The following AMOTL1 variants were observed in gnomAD, a reference collection of about 807,000 sequenced individuals.
AMOTL1 encodes the protein angiomotin like 1, also known as angiomotin-like protein 1.
Under a neutral mutation model 102.9 loss-of-function variants are expected in AMOTL1, and 45 were observed. That is an observed-to-expected ratio of 0.44 (90% CI 0.34 to 0.56). AMOTL1 has a LOEUF of 0.56. AMOTL1 is among the 20% of genes least tolerant of loss of function. The pLI, the probability that AMOTL1 is intolerant of heterozygous loss-of-function variation, is 0.01. For synonymous variants in AMOTL1, 481 were observed against 484.7 expected (o/e 0.99, Z 0.10); for missense variants, 1,114 against 1,225.6 (o/e 0.91, Z 1.36).
intron 3 of AMOTL1, chr11:94,741,001 A>AT (rs1182507809): frequency 1.2e-5 from 15 of 1,288,652 alleles, no homozygotes; most frequent in African/African-American, 1.5e-5. Flanking sequence ...AAGTCTGCTC[A>AT]TTTTGTCTTT....
At chr11:94,741,217 TGTGC>T (rs1304746552) in intron 3 of AMOTL1, among the ~76,000 whole-genome samples, 3 of 151,776 alleles carry the variant, frequency 2.0e-5, no homozygotes, top group East Asian at 1.9e-4. Flanking sequence ...TGTGTGTGTG[TGTGC>T]GTGCGTGTGC....
chr11:94,869,508 ACTGTGGAACTGT>A, intron 12 of AMOTL1, 35 bp downstream of exon 12: 1 of 1,545,868 alleles, frequency 6.5e-7, no homozygotes, highest in Non-Finnish European at 8.7e-7. Context: ...GCCCCTGAAA[ACTGTGGAACTGT>A]CTGGCCTAAG....
chr11:94,870,097 G>C (rs942394822), intron 12 of AMOTL1, among the ~76,000 whole-genome samples: 1 of 152,144 alleles, frequency 6.6e-6, no homozygotes, highest in African/African-American at 2.4e-5. Context: ...CATGGCCATG[G>C]TCAGTGGGAT....
intron 1 of AMOTL1, among the ~76,000 whole-genome samples, chr11:94,707,291 G>A (rs556414902): frequency 7.2e-6 from 1 of 139,058 alleles, no homozygotes; most frequent in African/African-American, 2.9e-5. Context: ...TGTGAAGGCA[G>A]ACCCTGTGCT....
At chr11:94,740,418 C>G (rs1201532476) in intron 2 of AMOTL1, 1 of 152,118 alleles carries the variant, frequency 6.6e-6, no homozygotes, top group Admixed American at 6.5e-5. Context: ...TGGGAGGCCG[C>G]GCGCGCCTCT....
At chr11:94,779,803 A>G (rs990809316) in intron 1 of AMOTL1, among the ~76,000 whole-genome samples, 2 of 152,176 alleles carry the variant, frequency 1.3e-5, no homozygotes, top group African/African-American at 4.8e-5. Flanking sequence ...TATCTGTTGC[A>G]TAGGATACTA....
chr11:94,724,708 T>C (rs949225245), intron 1 of AMOTL1, among the ~76,000 whole-genome samples: 1 of 152,200 alleles, frequency 6.6e-6, no homozygotes, highest in African/African-American at 2.4e-5. Flanking sequence ...TCCATGTGTT[T>C]AGTGCAGTGA....
upstream of AMOTL1, among the ~76,000 whole-genome samples, chr11:94,764,542 A>C (rs574340182): frequency 4.6e-5 from 7 of 152,294 alleles, no homozygotes; most frequent in East Asian, 1.4e-3. Context: ...GAGAACTACC[A>C]GTTGTAGCGA....
At position 94,799,375 on chromosome 11, in the gene AMOTL1, A is replaced by G. The variant is rs763861837; in HGVS notation, c.200-15A>G. 4 of 1,536,636 alleles carry G rather than the reference A, an allele frequency of 2.6e-6. No homozygotes were observed. The highest frequency in any genetic ancestry group is 3.5e-6 in the Non-Finnish European group (4 of 1,139,120). On this transcript the variant is annotated splice_polypyrimidine_tract_variant and intron_variant, in intron 2 of 12. Coordinates refer to ENST00000433060, the MANE Select transcript of AMOTL1 (RefSeq NM_130847.3). The surrounding 1 kb of genome is among the most constrained non-coding windows in gnomAD (Gnocchi z 4.5). ...GGAGCTGCCTGATATCTTTTTTCCTATGTTTATCTTTTAGTTGAAGATCCT... is the reference window on the plus strand; with the variant it reads ...GGAGCTGCCTGATATCTTTTTTCCTGTGTTTATCTTTTAGTTGAAGATCCT...
intron 6 of AMOTL1, among the ~76,000 whole-genome samples, chr11:94,840,681 T>TATATATATATATACACACAC (rs1166713705): frequency 9.5e-6 from 1 of 104,808 alleles, no homozygotes; most frequent in Non-Finnish European, 1.8e-5. Context: ...TATATATATA[T>TATATATATATATACACACAC]ACACACACAC....
At chr11:94,752,998 T>C (rs1021977786) in intron 3 of AMOTL1, among the ~76,000 whole-genome samples, 1 of 152,230 alleles carries the variant, frequency 6.6e-6, no homozygotes. Context: ...AGTTAGACTT[T>C]AGGCTCCTTT....
At chr11:94,747,357 G>T (rs943845153) in intron 3 of AMOTL1, among the ~76,000 whole-genome samples, 2 of 152,060 alleles carry the variant, frequency 1.3e-5, no homozygotes, top group African/African-American at 4.8e-5. Flanking sequence ...GCCTATGAGT[G>T]CCAGGAGAGG....
chr11:94,828,895 C>T (rs1176127432), intron 4 of AMOTL1, among the ~76,000 whole-genome samples: 1 of 152,098 alleles, frequency 6.6e-6, no homozygotes, highest in Admixed American at 6.6e-5. Flanking sequence ...TTGATTCTGA[C>T]CTTAGCAGCA....
chr11:94,795,137 C>T lies in AMOTL1; in HGVS notation c.176C>T (p.Thr59Ile), dbSNP rs537171842. Residue 59 changes from threonine (T) to isoleucine (I), a missense_variant, in exon 2 of 13, where the codon ACC (threonine) becomes ATC (isoleucine). By Grantham distance (89) the Thr-to-Ile change is moderately conservative. Transcript: ENST00000433060. ...ACATCTGCTTTGACGGTGGAGGCAA[C>T]CAGTAGCATCAGGGAAAAAGTTGGT... is the stretch of plus-strand genomic sequence containing the variant. ...HETSALTVEATSSIREKVVED... is the reference protein window; with the variant it reads ...HETSALTVEAISSIREKVVED... 3.7e-6 allele frequency: 6 copies of T among 1,613,704 alleles called. No homozygotes were observed. In the East Asian group the frequency reaches 8.9e-5, roughly 24 times the overall value.
intron 1 of AMOTL1, among the ~76,000 whole-genome samples, chr11:94,709,052 T>G (rs1211013381): frequency 6.6e-6 from 1 of 152,168 alleles, no homozygotes; most frequent in African/African-American, 2.4e-5. Flanking sequence ...TGCAGATCAG[T>G]GTTTAAAATG....
At chr11:94,854,554 A>G (rs1224783110) in intron 8 of AMOTL1, among the ~76,000 whole-genome samples, 1 of 152,168 alleles carries the variant, frequency 6.6e-6, no homozygotes, top group Non-Finnish European at 1.5e-5. Context: ...CATTTGGTCA[A>G]GCTGAGATAC....
exon 3 of AMOTL1, chr11:94,740,963 C>G: frequency 7.8e-7 from 1 of 1,289,086 alleles, no homozygotes; most frequent in African/African-American, 1.5e-5. Context: ...AAGCCTCGCC[C>G]GCATCCTACA....
At chr11:94,816,140 T>G (rs1426528671) in intron 3 of AMOTL1, among the ~76,000 whole-genome samples, 1 of 152,182 alleles carries the variant, frequency 6.6e-6, no homozygotes. Flanking sequence ...ACCCAAAGTT[T>G]AACTTTTATT....
chr11:94,711,269 A>G (rs1420934872), intron 1 of AMOTL1, among the ~76,000 whole-genome samples: 1 of 152,156 alleles, frequency 6.6e-6, no homozygotes, highest in Non-Finnish European at 1.5e-5. Context: ...TCTGGCTGTT[A>G]AAGAATAGCT....
Sources: allele counts gnomAD v4.1 joint callset (sites outside exome capture counted in the v4.1 genomes callset), GRCh38; gene constraint gnomAD v4.1.1; non-coding constraint Gnocchi (gnomAD v3.1); transcripts MANE v1.5; gene names NCBI Gene and HGNC (gene_info 2026-07-23, HGNC 2026-07-21).